PDE5A: variants seen among roughly 807,000 people sequenced by gnomAD.
PDE5A encodes the protein cGMP-specific 3',5'-cyclic phosphodiesterase.
In PDE5A, 67 loss-of-function variants were observed where a neutral mutation model predicts 110.2. The observed-to-expected ratio is 0.61, with a 90% confidence interval of 0.50 to 0.75. The LOEUF (loss-of-function observed/expected upper bound fraction) is 0.75, where lower values mean the gene tolerates loss of function less well. PDE5A is among the 30% of genes least tolerant of loss of function. The probability of loss-of-function intolerance (pLI) is 0.00; values close to 1 mark genes in which losing one functional copy is unlikely to be tolerated. For missense variants in PDE5A, 862 were observed against 1,045.1 expected (o/e 0.82, Z 2.42); for synonymous variants, 328 against 351.2 (o/e 0.93, Z 0.74).
chr4:119,625,753 A>C (rs1730323717), intron 1 of PDE5A, among the ~76,000 whole-genome samples: 1 of 152,184 alleles, frequency 6.6e-6, no homozygotes, highest in Non-Finnish European at 1.5e-5. Context: ...CCTTAGCTGT[A>C]AAGTTAAAAC....
chr4:119,504,498 G>C lies in PDE5A; in HGVS notation c.2331+38C>G, dbSNP rs766407824. 2.6e-6 allele frequency: 4 copies of C among 1,520,576 alleles called. No homozygotes were observed. The South Asian group carries it at 3.5e-5, about 13-fold the overall frequency. 94.2% of individuals were successfully genotyped at this position (1,520,576 alleles called of 1,614,324 possible). The stretch of plus-strand genomic sequence containing the variant: ...GGATTGCTGGGTAGAATGTTATTTT[G>C]ACTTTTTAATTATTGTTATTGTCAC... On this transcript the variant is annotated intron_variant, in intron 18 of 20. Coordinates refer to ENST00000354960, the MANE Select transcript of PDE5A (RefSeq NM_001083.4).
chr4:119,502,918 C>CTTCT, intron 18 of PDE5A, among the ~76,000 whole-genome samples: 1 of 82,274 alleles, frequency 1.2e-5, no homozygotes, highest in African/African-American at 4.0e-5. Flanking sequence ...AAAATGTTTT[C>CTTCT]TTCATTTATT....
intron 2 of PDE5A, among the ~76,000 whole-genome samples, chr4:119,602,822 T>C (rs969219029): frequency 3.3e-5 from 5 of 152,204 alleles, no homozygotes; most frequent in African/African-American, 1.2e-4. Context: ...GAAGGAATAA[T>C]AGCTACATGG....
In PDE5A at chr4:119,542,577, T is replaced by C. The variant is rs763605594; in HGVS notation, c.1454A>G (p.Asn485Ser). Residue 485 changes from asparagine to serine, a missense_variant, in exon 10 of 21, where the codon AAC becomes AGC. Transcript: ENST00000354960. ...TTCCAGAAACTGTTCGTCATTTCGG[T>C]TGAAAGGCTTAACCTTGCCAGTATT... ...EENTGKVKPF[N>S]RNDEQFLEAF... The C allele has an allele frequency of 1.2e-6, 2 of 1,614,042 alleles. No individual in the cohort carries two copies. Among genetic ancestry groups the C allele is most frequent in the East Asian group, 4.5e-5 (2 of 44,878 alleles).
chr4:119,555,323 G>A (rs1400163295), intron 7 of PDE5A, among the ~76,000 whole-genome samples: 3 of 152,178 alleles, frequency 2.0e-5, no homozygotes, highest in African/African-American at 7.2e-5. Context: ...TAGGCTGAGA[G>A]TCTGTGAAGG....
chr4:119,535,842 T>C (rs576615019), intron 11 of PDE5A, among the ~76,000 whole-genome samples: 73 of 152,334 alleles, frequency 4.8e-4, no homozygotes, highest in African/African-American at 1.7e-3. Context: ...AATAAATTTG[T>C]TAAAATAAAA....
At position 119,519,112 on chromosome 4, in the gene PDE5A, C is replaced by A; in HGVS notation, c.1933G>T (p.Ala645Ser). 1 of 1,613,788 alleles carries A rather than the reference C, an allele frequency of 6.2e-7. No homozygotes were observed. The highest frequency in any genetic ancestry group is 1.1e-5 in the South Asian group (1 of 91,072). Residue 645 changes from alanine (A) to serine (S), a missense_variant, in exon 14 of 21, where the codon GCA (alanine) becomes TCA (serine). Coordinates refer to ENST00000354960, the MANE Select transcript of PDE5A (RefSeq NM_001083.4). ...QNKLTDLEILALLIAALSHDL... is the reference protein window; with the variant it reads ...QNKLTDLEILSLLIAALSHDL... ...TGGCTTAGTGCAGCAATCAGCAATGCAAGTATCTCCAGGTCAGTCAGCTTG... is the reference window on the plus strand; with the variant it reads ...TGGCTTAGTGCAGCAATCAGCAATGAAAGTATCTCCAGGTCAGTCAGCTTG...
Position 119,553,740 on chromosome 4 carries a change from A to G in PDE5A, c.1206T>C (p.His402=), listed in dbSNP as rs139629636. 28 of 1,548,934 alleles carry G rather than the reference A, an allele frequency of 1.8e-5. No homozygotes were observed. The highest frequency in any genetic ancestry group is 2.5e-5 in the Non-Finnish European group (28 of 1,121,552). Residue 402 remains histidine, a synonymous_variant, in exon 8 of 21, where the codon CAT becomes CAC. Transcript: ENST00000354960. The part of the protein sequence containing the change: ...EKSSDTLTRE[H]DANKINYMYA... ...ACATGTAATTGATTTTGTTTGCATC[A>G]TGTTCCCTGTGAAAATAACAGATAT...
chr4:119,608,441 A>G (rs915028873), intron 1 of PDE5A, among the ~76,000 whole-genome samples: 2 of 152,226 alleles, frequency 1.3e-5, no homozygotes, highest in Non-Finnish European at 2.9e-5. Flanking sequence ...TAATGGTGTC[A>G]TTACTCTAGA....
intron 1 of PDE5A, among the ~76,000 whole-genome samples, chr4:119,621,013 T>C (rs1730123960): frequency 1.3e-5 from 2 of 152,238 alleles, no homozygotes; most frequent in South Asian, 4.1e-4. Flanking sequence ...AAGAGTGTTT[T>C]AATGAATGCT....
intron 4 of PDE5A, among the ~76,000 whole-genome samples, chr4:119,565,781 C>G (rs1433802102): frequency 6.6e-6 from 1 of 151,860 alleles, no homozygotes; most frequent in African/African-American, 2.4e-5. Context: ...CAGCAAACAA[C>G]AGCTTACATA....
chr4:119,599,889 A>C (rs1244284971), intron 2 of PDE5A, among the ~76,000 whole-genome samples: 2 of 152,154 alleles, frequency 1.3e-5, no homozygotes, highest in African/African-American at 4.8e-5. Flanking sequence ...ATATAAGTTG[A>C]AAATGATACA....
At chr4:119,566,436 C>G (rs1727936590) in intron 4 of PDE5A, among the ~76,000 whole-genome samples, 1 of 152,076 alleles carries the variant, frequency 6.6e-6, no homozygotes, top group Non-Finnish European at 1.5e-5. Context: ...AATAATAAAA[C>G]CTACTCATAG....
rs901912620 is a variant in PDE5A at position 119,521,032 on chromosome 4, T to G, written c.1808A>C (p.Lys603Thr). ...EVLCRWILSV[K>T]KNYRKNVAYH... ...GGCAACATTCTTCCGATAATTCTTC[T>G]TAACACTTAAAATCCATCTGCAAAG... is the stretch of plus-strand genomic sequence containing the variant. The change falls in exon 13 of 21, where the codon AAG (lysine) becomes ACG (threonine). Residue 603 changes from lysine (K) to threonine (T), a missense_variant. Transcript: ENST00000354960. 2.5e-6 allele frequency: 4 copies of G among 1,612,816 alleles called. No homozygotes were observed. Among genetic ancestry groups the G allele is most frequent in the Non-Finnish European group, 3.4e-6 (4 of 1,179,052 alleles).
intron 7 of PDE5A, among the ~76,000 whole-genome samples, chr4:119,558,462 T>C (rs946462634): frequency 2.0e-5 from 3 of 152,184 alleles, no homozygotes; most frequent in African/African-American, 7.2e-5. Context: ...TGGCAAAGTT[T>C]GGATTGGCAA....
rs55997249 is a variant in PDE5A at position 119,592,456 on chromosome 4, T to TAAAA, written c.831+4063_831+4066dup. Among the ~76,000 whole-genome samples the TAAAA allele has an allele frequency of 2.4e-3, 159 of 66,174 alleles. 17 individuals carry two copies. Among genetic ancestry groups the TAAAA allele is most frequent in the African/African-American group, 6.4e-3 (98 of 15,310 alleles). The allele number at this position is 66,174 out of a possible 152,430, so 43.4% of individuals were successfully genotyped here. A position where few individuals can be genotyped will look rare whatever the true frequency, so the allele number is the denominator to read the frequency against. ...CTGGGTGACAGAGCGAGACTCTGTT[T>TAAAA]AAAAAAAAAAAAAAAAAAAAAAAAA... is the stretch of plus-strand genomic sequence containing the variant. On this transcript the variant is annotated intron_variant, in intron 3 of 20. Coordinates refer to ENST00000354960, the MANE Select transcript of PDE5A (RefSeq NM_001083.4).
At chr4:119,562,996 T>C (rs1460543650) in intron 5 of PDE5A, 26 bp from the exon 6 acceptor site, 1 of 1,539,958 alleles carries the variant, frequency 6.5e-7, no homozygotes, top group Non-Finnish European at 8.7e-7. Flanking sequence ...AGGAGCTCAT[T>C]ATTTAGCAAT....
chr4:119,554,492 A>G (rs1379778852), intron 7 of PDE5A, among the ~76,000 whole-genome samples: 1 of 152,196 alleles, frequency 6.6e-6, no homozygotes, highest in Non-Finnish European at 1.5e-5. Context: ...AACAGAATGG[A>G]ACATGTTTTT....
intron 3 of PDE5A, among the ~76,000 whole-genome samples, chr4:119,595,129 G>T (rs1469315879): frequency 6.6e-6 from 1 of 151,834 alleles, no homozygotes; most frequent in Admixed American, 6.6e-5. Context: ...CGAATAAAAA[G>T]AAAAAAATAT....
Sources: gnomAD v4.1 joint callset for allele counts (sites outside exome capture counted in the v4.1 genomes callset) on GRCh38, gnomAD v4.1.1 for gene constraint, MANE v1.5 for transcripts, NCBI Gene and HGNC (gene_info 2026-07-23, HGNC 2026-07-21) for gene names.